The following LRRC56 variants were observed in gnomAD, a reference collection of about 807,000 sequenced individuals.
LRRC56 encodes the protein leucine rich repeat containing 56.
LRRC56 carries 41 observed loss-of-function variants against 47.8 expected under a neutral mutation model. The observed-to-expected ratio is 0.86, with a 90% CI of 0.67 to 1.11. The LOEUF is 1.11. LRRC56 is among the 50% of genes most tolerant of loss of function. The probability of loss-of-function intolerance (pLI) is 0.00; values close to 1 mark genes in which losing one functional copy is unlikely to be tolerated. For synonymous variants in LRRC56, 387 were observed against 311.2 expected, an observed-to-expected ratio of 1.24 and a Z score of -2.56; for missense variants, 759 against 704.2, an observed-to-expected ratio of 1.08 and a Z score of -0.88.
At chr11:535,528 G>C (rs1851442616), upstream of LRRC56, 1 of 148,032 alleles carries the variant, frequency 6.8e-6, no homozygotes. Context: ...GGCGGGTGCG[G>C]CTCGGGTTGC....
intron 6 of LRRC56, 152 bp from the exon 7 acceptor site, chr11:549,750 G>A: frequency 7.8e-6 from 5 of 641,080 alleles, no homozygotes; most frequent in Non-Finnish European, 2.7e-6. Flanking sequence ...ACCCACACCA[G>A]AGCCAGAAGG....
chr11:507,374 G>A, the LRRC56 span: 1 of 151,706 alleles, frequency 6.6e-6, no homozygotes, highest in Non-Finnish European at 1.5e-5. Flanking sequence ...GCTAAGCACA[G>A]TCTTGGCGCA....
At position 554,264 on chromosome 11, in the gene LRRC56, C is replaced by T. The variant is rs777391521; in HGVS notation, c.1617C>T (p.Pro539=). ...PRAAELSHPS[P]VPT The stretch of plus-strand genomic sequence containing the variant: ...CAGCTGAACTCTCTCACCCCAGCCC[C>T]GTCCCCACTTAATATAGCCCCCACT... The change falls in exon 14 of 14, where the codon CCC becomes CCT. Residue 539 remains proline, a synonymous_variant. Transcript: ENST00000270115. The T allele has an allele frequency of 2.0e-6, 3 of 1,492,662 alleles. No homozygotes were observed. Among genetic ancestry groups the T allele is most frequent in the African/African-American group, 2.8e-5 (2 of 71,240 alleles). 92.5% of individuals were successfully genotyped at this position (1,492,662 alleles called of 1,614,324 possible).
chr11:539,377 A>AAG (rs1851674362), intron 2 of LRRC56, among the ~76,000 whole-genome samples: 1 of 84,564 alleles, frequency 1.2e-5, no homozygotes, highest in Admixed American at 1.3e-4. Context: ...GAGCCACCGC[A>AAG]CCCAGCCTTT....
chr11:509,138 A>G, the LRRC56 span, among the ~76,000 whole-genome samples: 11 of 152,246 alleles, frequency 7.2e-5, no homozygotes, highest in African/African-American at 2.2e-4. Context: ...AAGGCAGCCA[A>G]CCTGGCTGTG....
the LRRC56 span, among the ~76,000 whole-genome samples, chr11:510,557 G>C: frequency 6.6e-6 from 1 of 151,722 alleles, no homozygotes; most frequent in Non-Finnish European, 1.5e-5. Flanking sequence ...GACCAACATG[G>C]AGAAACCCCG....
chr11:515,325 G>A, the LRRC56 span, among the ~76,000 whole-genome samples: 1 of 152,124 alleles, frequency 6.6e-6, no homozygotes, highest in African/African-American at 2.4e-5. Context: ...TTCCTCAGAC[G>A]GGATATTTGC....
chr11:531,590 G>A, the LRRC56 span, among the ~76,000 whole-genome samples: 3 of 152,206 alleles, frequency 2.0e-5, no homozygotes, highest in African/African-American at 7.2e-5. Context: ...TGGGGCAAGG[G>A]TAGGGTGAGG....
chr11:531,466 C>G, the LRRC56 span, among the ~76,000 whole-genome samples: 1 of 152,206 alleles, frequency 6.6e-6, no homozygotes. Flanking sequence ...AGAACTTGGC[C>G]CAAGGCAGGG....
the LRRC56 span, among the ~76,000 whole-genome samples, chr11:518,227 G>T: frequency 6.6e-6 from 1 of 151,182 alleles, no homozygotes; most frequent in Admixed American, 6.6e-5. Flanking sequence ...CTGTCGCCTA[G>T]GCTGGAGTGC....
chr11:510,653 G>A, the LRRC56 span, among the ~76,000 whole-genome samples: 7 of 152,010 alleles, frequency 4.6e-5, no homozygotes, highest in Non-Finnish European at 5.9e-5. Flanking sequence ...CATAAGAATC[G>A]CTTGAACCCA....
chr11:552,544 G>A (rs1852462649), intron 12 of LRRC56, 25 bp from the exon 13 acceptor site: 1 of 1,578,150 alleles, frequency 6.3e-7, no homozygotes, highest in Non-Finnish European at 8.6e-7. Flanking sequence ...CAGGGCTGGA[G>A]CTTCTCCTCC....
intron 2 of LRRC56, among the ~76,000 whole-genome samples, chr11:539,185 A>T (rs1851663514): frequency 6.6e-6 from 1 of 152,090 alleles, no homozygotes; most frequent in South Asian, 2.1e-4. Context: ...GGTTCATGCC[A>T]TTCCCCAGCC....
At chr11:519,027 G>C in the LRRC56 span, among the ~76,000 whole-genome samples, 3 of 151,518 alleles carry the variant, frequency 2.0e-5, no homozygotes, top group Non-Finnish European at 4.4e-5. Context: ...AGGCTTCTCC[G>C]AAAGCCGCGA....
intron 3 of LRRC56, among the ~76,000 whole-genome samples, chr11:540,203 G>C (rs1440962727): frequency 6.6e-6 from 1 of 152,218 alleles, no homozygotes; most frequent in Non-Finnish European, 1.5e-5. Context: ...GGCTGGGGTA[G>C]GGGAAGGCCT....
intron 4 of LRRC56, 92 bp downstream of exon 4, chr11:540,953 G>C: frequency 2.8e-6 from 3 of 1,089,668 alleles, no homozygotes; most frequent in Non-Finnish European, 3.8e-6. Flanking sequence ...CCTGCCCTCT[G>C]TCCCCCTCCT....
upstream of LRRC56, chr11:532,799 G>A (rs370466392): frequency 1.6e-5 from 25 of 1,593,460 alleles, no homozygotes; most frequent in African/African-American, 4.0e-5. Context: ...GCCTGTGGCC[G>A]CCTGCCTGGG....
chr11:549,519 A>G (rs1852264588), intron 6 of LRRC56, among the ~76,000 whole-genome samples: 1 of 152,232 alleles, frequency 6.6e-6, no homozygotes, highest in African/African-American at 2.4e-5. Flanking sequence ...CCAGGGGCTC[A>G]GGCTCCCAGG....
At chr11:543,906 A>G (rs949422115) in intron 5 of LRRC56, among the ~76,000 whole-genome samples, 19 of 152,056 alleles carry the variant, frequency 1.2e-4, no homozygotes, top group Middle Eastern at 3.4e-3. Context: ...CCGCCACCAT[A>G]CCCGGCTAAT....
Sources: gnomAD v4.1 joint callset for allele counts (sites outside exome capture counted in the v4.1 genomes callset) on GRCh38, gnomAD v4.1.1 for gene constraint, MANE v1.5 for transcripts, NCBI Gene and HGNC (gene_info 2026-07-23, HGNC 2026-07-21) for gene names.